The following DNHD1 variants were observed in gnomAD, a reference collection of about 807,000 sequenced individuals.
DNHD1 encodes the protein dynein heavy chain domain 1, also known as dynein heavy chain domain-containing protein 1.
A neutral mutation model predicts 458.1 loss-of-function variants in DNHD1; 383 were observed. The observed-to-expected ratio is 0.84, with a 90% CI of 0.77 to 0.91. DNHD1 has a LOEUF of 0.91. Among genes scored for constraint, DNHD1 ranks in the 40% least tolerant of loss-of-function variants. The pLI, the probability that DNHD1 is intolerant of heterozygous loss-of-function variation, is 0.00. For synonymous variants in DNHD1, 2,203 were observed against 2,376.9 expected, an observed-to-expected ratio of 0.93 and a Z score of 2.13; for missense variants, 5,336 against 5,866.1, an observed-to-expected ratio of 0.91 and a Z score of 2.95.
intron 14 of DNHD1, among the ~76,000 whole-genome samples, chr11:6,534,530 A>C (rs745471610): frequency 6.6e-6 from 1 of 152,150 alleles, no homozygotes; most frequent in Admixed American, 6.5e-5. Context: ...ACAGTCCTAC[A>C]CCAGGCAGCA....
At position 6,547,301 on chromosome 11, in the gene DNHD1, G is replaced by A. The variant is rs1464706230; in HGVS notation, c.6362G>A (p.Gly2121Asp). 3.9e-6 allele frequency: 6 copies of A among 1,551,770 alleles called. No homozygotes were observed. The highest frequency in any genetic ancestry group is 2.7e-5 in the African/African-American group (2 of 73,158). Residue 2121 changes from glycine to aspartate, a missense_variant, in exon 21 of 43, where the codon GGC becomes GAC. Gly to Asp is a moderately conservative substitution (Grantham distance 94). This residue lies in a region of DNHD1 where 3,932 missense variants were observed against 4,365.6 expected (regional missense o/e 0.90). Coordinates refer to ENST00000254579, the MANE Select transcript of DNHD1 (RefSeq NM_144666.3). ...PSGQQIARPP[G>D]TFLLMEVADT... ...GGACAGCAGATAGCACGACCCCCAG[G>A]CACCTTTCTCTTGATGGAGGTGGCT...
chr11:6,565,451 C>A (rs1003826012), intron 32 of DNHD1, among the ~76,000 whole-genome samples: 2 of 152,194 alleles, frequency 1.3e-5, no homozygotes, highest in East Asian at 3.8e-4. Context: ...GTGCTCACTA[C>A]GTGCACATCT....
intron 17 of DNHD1, 141 bp from the exon 18 acceptor site, chr11:6,539,735 C>T: frequency 1.3e-6 from 1 of 755,232 alleles, no homozygotes; most frequent in South Asian, 1.8e-5. Context: ...GATGGTCCCA[C>T]TCTCGCTTCA....
chr11:6,512,989 G>C (rs192001989), intron 7 of DNHD1, among the ~76,000 whole-genome samples: 5 of 152,212 alleles, frequency 3.3e-5, no homozygotes, highest in Admixed American at 3.3e-4. Flanking sequence ...AGGGGCCAAA[G>C]GCATTAGCAA....
At chr11:6,544,321 T>G (rs1589884311) in intron 19 of DNHD1, 75 bp downstream of exon 19, 1 of 1,517,962 alleles carries the variant, frequency 6.6e-7, no homozygotes, top group South Asian at 1.2e-5. Context: ...GGGTGAGAGG[T>G]GGAGGTTGGG....
chr11:6,523,630 T>G (rs1852649767), intron 10 of DNHD1, among the ~76,000 whole-genome samples: 1 of 152,204 alleles, frequency 6.6e-6, no homozygotes, highest in Non-Finnish European at 1.5e-5. Context: ...AATTTTCAAT[T>G]GAAGCCCCAA....
chr11:6,562,392 T>C (rs763992201), intron 28 of DNHD1, among the ~76,000 whole-genome samples: 1 of 151,928 alleles, frequency 6.6e-6, no homozygotes, highest in Non-Finnish European at 1.5e-5. Context: ...ACTAGGCAAA[T>C]GAATACACGG....
chr11:6,508,984 C>T lies in DNHD1; in HGVS notation c.1025C>T (p.Thr342Met), dbSNP rs781237261. ...LHVHPVEGSE[T>M]MTLGTWHHHC... The stretch of plus-strand genomic sequence containing the variant: ...GTACATCCTGTGGAAGGTAGCGAGA[C>T]GATGACACTGGGTACCTGGCACCAT... The change falls in exon 5 of 43, where the codon ACG (threonine) becomes ATG (methionine). Residue 342 changes from threonine (T) to methionine (M), a missense_variant. By Grantham distance (81) the Thr-to-Met change is moderately conservative (BLOSUM62 -1). This residue lies in a region of DNHD1 where 3,932 missense variants were observed against 4,365.6 expected (regional missense o/e 0.90). Transcript: ENST00000254579. The T allele has an allele frequency of 5.3e-5, 85 of 1,614,092 alleles. 1 individual carries two copies. In the Admixed American group the frequency reaches 1.2e-3, roughly 23 times the overall value.
At chr11:6,516,452 C>G (rs760028019) in intron 7 of DNHD1, among the ~76,000 whole-genome samples, 18 of 151,836 alleles carry the variant, frequency 1.2e-4, no homozygotes, top group Non-Finnish European at 2.1e-4. Flanking sequence ...TGCCCACCAC[C>G]ACGCCTGGCT....
chr11:6,563,272 G>T (rs1853623560), intron 29 of DNHD1, 110 bp from the exon 30 acceptor site: 1 of 1,499,342 alleles, frequency 6.7e-7, no homozygotes, highest in African/African-American at 1.4e-5. Flanking sequence ...GGATGGCTTG[G>T]GGAGTGGCCT....
chr11:6,544,045 C>T, intron 18 of DNHD1, 76 bp from the exon 19 acceptor site: 1 of 1,470,460 alleles, frequency 6.8e-7, no homozygotes, highest in Non-Finnish European at 9.2e-7. Flanking sequence ...CTGGAAGGTT[C>T]CCCTGGTCTC....
Position 6,545,356 on chromosome 11 carries a change from C to G in DNHD1, c.4417C>G (p.Arg1473Gly), listed in dbSNP as rs183529428. The part of the protein sequence containing the change: ...LQGCVAARLA[R>G]GPSLGEALKQ... Reference sequence around the variant, plus strand: ...GGGCTGTGTGGCTGCTCGCCTTGCTCGAGGCCCATCTCTAGGTGAGGCCCT... The same window carrying G: ...GGGCTGTGTGGCTGCTCGCCTTGCTGGAGGCCCATCTCTAGGTGAGGCCCT... The change falls in exon 21 of 43, where the codon CGA (arginine) becomes GGA (glycine). Residue 1473 changes from arginine to glycine, a missense_variant. Arg to Gly is a moderately radical substitution (Grantham distance 125, BLOSUM62 -2). Around this residue, in one of 4 missense-constraint regions of DNHD1, gnomAD observed 3,932 missense variants for 4,365.6 expected, o/e 0.90. Coordinates refer to ENST00000254579, the MANE Select transcript of DNHD1 (RefSeq NM_144666.3). This position sits in a 1 kb window ranked among gnomAD's most constrained non-coding sequence, Gnocchi z 4.9. 2 of 1,551,746 alleles carry G rather than the reference C, an allele frequency of 1.3e-6. No individual in the cohort carries two copies. The highest frequency in any genetic ancestry group is 1.7e-4 in the Middle Eastern group (1 of 5,992).
Position 6,568,586 on chromosome 11 carries a change from T to G in DNHD1, c.12661+10T>G. The G allele has an allele frequency of 2.5e-6, 4 of 1,613,944 alleles. No homozygotes were observed. The highest frequency in any genetic ancestry group is 3.4e-6 in the Non-Finnish European group (4 of 1,179,896). ...AGTGCTTCTTTGCCAGGTGAGGAGC[T>G]TAACCCCCTACAGGCTCTCAAATTG... On this transcript the variant is annotated intron_variant, in intron 38 of 42. Coordinates refer to ENST00000254579, the MANE Select transcript of DNHD1 (RefSeq NM_144666.3).
chr11:6,539,226 G>A lies in DNHD1; in HGVS notation c.3333G>A (p.Gly1111=). ...LNCQCLLRAL[G]LGSLQTIELL... is the part of the protein sequence containing the mutation. ...TGTTTTCTCTACCTCCAGCCCTTGG[G>A]CTGGGCAGTCTCCAAACTATAGAAC... is the stretch of plus-strand genomic sequence containing the variant. The change falls in exon 17 of 43, where the codon GGG becomes GGA. Residue 1111 remains glycine (G), a synonymous_variant. Transcript: ENST00000254579. 1.9e-6 allele frequency: 3 copies of A among 1,550,742 alleles called. No individual in the cohort carries two copies. Among genetic ancestry groups the A allele is most frequent in the Non-Finnish European group, 2.6e-6 (3 of 1,146,158 alleles).
At chr11:6,555,232 CTCTCTG>C (rs1249403790) in intron 24 of DNHD1, among the ~76,000 whole-genome samples, 2,073 of 8,150 alleles carry the variant, frequency 0.25, 17 homozygotes, top group South Asian at 0.47. Context: ...GTCTCTTTCT[CTCTCTG>C]TCTCTCTCAA....
At chr11:6,553,489 G>A (rs922166815) in intron 24 of DNHD1, among the ~76,000 whole-genome samples, 1 of 152,032 alleles carries the variant, frequency 6.6e-6, no homozygotes, top group African/African-American at 2.4e-5. Context: ...AGACCACATC[G>A]ACGCAATTAA....
At chr11:6,534,307 C>G in intron 14 of DNHD1, 134 bp downstream of exon 14, 4 of 919,620 alleles carry the variant, frequency 4.3e-6, no homozygotes, top group Non-Finnish European at 6.3e-6. Flanking sequence ...TCACTGGTGT[C>G]TTTTATAAAT....
In DNHD1 at chr11:6,557,897, A is replaced by G; in HGVS notation, c.8602A>G (p.Met2868Val). The G allele has an allele frequency of 1.3e-6, 2 of 1,551,114 alleles. No homozygotes were observed. Among genetic ancestry groups the G allele is most frequent in the Non-Finnish European group, 1.7e-6 (2 of 1,146,940 alleles). ...LSPHLARCHSMAQHVARLVRV... is the reference protein window; with the variant it reads ...LSPHLARCHSVAQHVARLVRV... ...CCCCCACCTGGCCCGGTGTCATTCC[A>G]TGGCCCAGCACGTGGCCCGCCTGGT... The change falls in exon 25 of 43, where the codon ATG (methionine) becomes GTG (valine). Residue 2868 changes from methionine to valine, a missense_variant. Met to Val is a conservative substitution (Grantham distance 21). This residue lies in a region of DNHD1 where 3,932 missense variants were observed against 4,365.6 expected (regional missense o/e 0.90). Transcript: ENST00000254579.
At chr11:6,562,927 G>T in intron 28 of DNHD1, 55 bp from the exon 29 acceptor site, 1 of 1,526,678 alleles carries the variant, frequency 6.6e-7, no homozygotes, top group Non-Finnish European at 8.8e-7. Context: ...GGTCTTCTGG[G>T]GTTTCCCGCG....
Sources: gnomAD v4.1 joint callset for allele counts (sites outside exome capture counted in the v4.1 genomes callset) on GRCh38, gnomAD v4.1.1 for gene constraint, gnomAD v4.1.1 regional missense constraint, Gnocchi (gnomAD v3.1) non-coding constraint, MANE v1.5 for transcripts, NCBI Gene and HGNC (gene_info 2026-07-23, HGNC 2026-07-21) for gene names.